The following EFCAB6 variants were observed in gnomAD, a reference collection of about 807,000 sequenced individuals.
EFCAB6 encodes EF-hand calcium-binding domain-containing protein 6.
In EFCAB6, 156 loss-of-function variants were observed where a neutral mutation model predicts 169.8. That is an observed-to-expected ratio of 0.92 (90% CI 0.81 to 1.05). EFCAB6 has a LOEUF of 1.05. Among genes scored for constraint, EFCAB6 ranks in the 50% least tolerant of loss-of-function variants. The pLI, the probability that EFCAB6 is intolerant of heterozygous loss-of-function variation, is 0.00. For missense variants in EFCAB6, 1,800 were observed against 1,829.1 expected (o/e 0.98, Z 0.29); for synonymous variants, 698 against 676.4 (o/e 1.03, Z -0.50).
chr22:43,586,823 G>C (rs541835030), intron 24 of EFCAB6, among the ~76,000 whole-genome samples: 1 of 152,282 alleles, frequency 6.6e-6, no homozygotes, highest in Admixed American at 6.5e-5. Flanking sequence ...CAGAAACTTT[G>C]GGGGAGGGAC....
Position 43,595,693 on chromosome 22 carries a change from A to G in EFCAB6, c.2876+4376T>C, listed in dbSNP as rs1245257988. On this transcript the variant is annotated intron_variant, in intron 23 of 31. Transcript: ENST00000262726. The stretch of plus-strand genomic sequence containing the variant: ...TTAGAGAAGAACTAATACCAACTCT[A>G]CCCAAACTTTTTCAAAAAAATTGAA... Among the ~76,000 whole-genome samples, 45 of 152,116 alleles carry G rather than the reference A, an allele frequency of 3.0e-4. 1 individual carries two copies. Among genetic ancestry groups the G allele is most frequent in the Non-Finnish European group, 2.5e-4 (17 of 67,978 alleles).
At position 43,554,844 on chromosome 22, in the gene EFCAB6, G is replaced by A. The variant is rs377744942; in HGVS notation, c.3648+25C>T. 8 of 1,603,810 alleles carry A rather than the reference G, an allele frequency of 5.0e-6. No homozygotes were observed. In the South Asian group the frequency reaches 8.8e-5, roughly 18 times the overall value. On this transcript the variant is annotated intron_variant, in intron 27 of 31. Transcript: ENST00000262726. ...TGACGCTCAGCCAACGGTGTGCAGG[G>A]TGAGGACTGACTGGCGTTTCTTACC... is the stretch of plus-strand genomic sequence containing the variant.
In EFCAB6 at chr22:43,652,505, G is replaced by A. The variant is rs73432086; in HGVS notation, c.1983+14599C>T. Reference sequence around the variant, plus strand: ...ACCCAGGCTCTGAGTTAGAGCTTTTGAAGTTTTATGCCCTAGGAGCAGGAG... The same window carrying A: ...ACCCAGGCTCTGAGTTAGAGCTTTTAAAGTTTTATGCCCTAGGAGCAGGAG... On this transcript the variant is annotated intron_variant, in intron 17 of 31. Transcript: ENST00000262726. Among the ~76,000 whole-genome samples, 776 of 152,164 alleles carry A rather than the reference G, an allele frequency of 5.1e-3. 8 individuals carry two copies. Among genetic ancestry groups the A allele is most frequent in the African/African-American group, 0.018 (753 of 41,506 alleles).
intron 3 of EFCAB6, among the ~76,000 whole-genome samples, chr22:43,780,486 C>CAAAAAAA (rs34634496): frequency 2.0e-5 from 1 of 49,026 alleles, no homozygotes; most frequent in African/African-American, 8.5e-5. Context: ...GACTCTGTCT[C>CAAAAAAA]AAAAAAAAAA....
At chr22:43,635,346 A>T in intron 17 of EFCAB6, 130 bp from the exon 18 acceptor site, 1 of 687,744 alleles carries the variant, frequency 1.5e-6, no homozygotes. Flanking sequence ...CCCCACCCAC[A>T]GGCTGCCAGG....
chr22:43,540,243 A>G lies in EFCAB6; in HGVS notation c.3763T>C (p.Ser1255Pro). The change falls in exon 28 of 32, where the codon TCG becomes CCG. Residue 1255 changes from serine (S) to proline (P), a missense_variant. By Grantham distance (74) the Ser-to-Pro change is moderately conservative. Coordinates refer to ENST00000262726, the MANE Select transcript of EFCAB6 (RefSeq NM_022785.4). ...CTGCTCCCTCTCTGGGCCACGGCCG[A>G]GTCACCAGTGGCCATTGGTGTGGCT... ...TAATPMATGDSAVAQRGSSVP... is the reference protein window; with the variant it reads ...TAATPMATGDPAVAQRGSSVP... 1 of 1,614,206 alleles carries G rather than the reference A, an allele frequency of 6.2e-7. No homozygotes were observed. Among genetic ancestry groups the G allele is most frequent in the East Asian group, 2.2e-5 (1 of 44,884 alleles).
At chr22:43,730,223 G>T in intron 8 of EFCAB6, among the ~76,000 whole-genome samples, 1 of 1,690 alleles carries the variant, frequency 5.9e-4, no homozygotes. Context: ...AGAGGAAAAG[G>T]AGGGCAGGAG....
In EFCAB6 at chr22:43,530,837, A is replaced by T; in HGVS notation, c.4361T>A (p.Leu1454Gln). ...CACCGTCCTGAAATCTGCGACGCTT[A>T]GCAGCCCTGTTCCAGCCTCATCATA... is the stretch of plus-strand genomic sequence containing the variant. The part of the protein sequence containing the change: ...KSYDEAGTGL[L>Q]SVADFRTVLR... The change falls in exon 31 of 32, where the codon CTA (leucine) becomes CAA (glutamine). Residue 1454 changes from leucine to glutamine, a missense_variant. Leu to Gln is a moderately radical substitution (Grantham distance 113). Transcript: ENST00000262726. 6.2e-7 allele frequency: 1 copy of T among 1,613,984 alleles called. No homozygotes were observed. Among genetic ancestry groups the T allele is most frequent in the South Asian group, 1.1e-5 (1 of 91,074 alleles).
chr22:43,689,346 C>T (rs1023020167), intron 10 of EFCAB6, among the ~76,000 whole-genome samples: 1 of 109,110 alleles, frequency 9.2e-6, no homozygotes, highest in Admixed American at 1.1e-4. Context: ...AGGGAGAGCA[C>T]GTGCACACAC....
At position 43,607,224 on chromosome 22, in the gene EFCAB6, G is replaced by A. The variant is rs536223455; in HGVS notation, c.2681+1258C>T. On this transcript the variant is annotated intron_variant, in intron 22 of 31. Transcript: ENST00000262726. Reference sequence around the variant, plus strand: ...CTGCCTCCCTGCAGACAGGTGGCCTGCTGAACAAGAATGTCTCCTTCTCCA... The same window carrying A: ...CTGCCTCCCTGCAGACAGGTGGCCTACTGAACAAGAATGTCTCCTTCTCCA... Among the ~76,000 whole-genome samples the A allele has an allele frequency of 9.9e-5, 15 of 152,262 alleles. 1 individual carries two copies. In the East Asian group the frequency reaches 2.9e-3, roughly 29 times the overall value.
intron 26 of EFCAB6, among the ~76,000 whole-genome samples, chr22:43,555,455 C>G (rs1459605516): frequency 6.6e-6 from 1 of 152,234 alleles, no homozygotes; most frequent in Non-Finnish European, 1.5e-5. Context: ...ACAGTGCGAG[C>G]CTTCCCTGAG....
At position 43,635,122 on chromosome 22, in the gene EFCAB6, T is replaced by C. The variant is rs140732200; in HGVS notation, c.2078A>G (p.Asp693Gly). The change falls in exon 18 of 32, where the codon GAT becomes GGT. Residue 693 changes from aspartate (D) to glycine (G), a missense_variant. Asp to Gly is a moderately conservative substitution (Grantham distance 94). Transcript: ENST00000262726. ...GFEKEGMSYL[D>G]FAAGFEDPPM... is the part of the protein sequence containing the mutation. ...GCTACCTTCAAATCCTGCTGCAAAA[T>C]CAAGATAGCTCATCCCTTCCTTCTC... 28 of 1,613,902 alleles carry C rather than the reference T, an allele frequency of 1.7e-5. No homozygotes were observed. Among genetic ancestry groups the C allele is most frequent in the Non-Finnish European group, 2.3e-5 (27 of 1,179,998 alleles).
At chr22:43,548,644 G>T (rs979520919) in intron 27 of EFCAB6, among the ~76,000 whole-genome samples, 1 of 146,330 alleles carries the variant, frequency 6.8e-6, no homozygotes, top group Non-Finnish European at 1.5e-5. Context: ...AACCTTGAAC[G>T]CACATACATA....
intron 9 of EFCAB6, among the ~76,000 whole-genome samples, chr22:43,714,187 T>G (rs2059253166): frequency 6.6e-6 from 1 of 152,024 alleles, no homozygotes; most frequent in South Asian, 2.1e-4. Context: ...AGATTTAAAT[T>G]AGTATTAAAG....
intron 2 of EFCAB6, chr22:43,802,403 G>C (rs2062755927): frequency 5.0e-6 from 1 of 201,952 alleles, no homozygotes; most frequent in Non-Finnish European, 1.0e-5. Flanking sequence ...GGTGGGGAGT[G>C]CCTGTAATCC....
At chr22:43,654,997 C>T (rs921949215) in intron 17 of EFCAB6, among the ~76,000 whole-genome samples, 13 of 152,198 alleles carry the variant, frequency 8.5e-5, no homozygotes, top group African/African-American at 3.1e-4. Flanking sequence ...GTGGCTCACA[C>T]CTATAATCTT....
chr22:43,797,348 A>T (rs2062547508), intron 2 of EFCAB6: 1 of 152,546 alleles, frequency 6.6e-6, no homozygotes, highest in African/African-American at 2.4e-5. Context: ...TGACTTTGGG[A>T]ATGCTGAAAA....
At chr22:43,762,650 C>T (rs929968273) in intron 5 of EFCAB6, among the ~76,000 whole-genome samples, 1 of 152,164 alleles carries the variant, frequency 6.6e-6, no homozygotes, top group Non-Finnish European at 1.5e-5. Context: ...TTCTGCTTCA[C>T]GAGTAAATCA....
At chr22:43,540,419 G>C (rs1224854793) in intron 27 of EFCAB6, 62 bp from the exon 28 acceptor site, 4 of 1,606,246 alleles carry the variant, frequency 2.5e-6, no homozygotes, top group African/African-American at 1.3e-5. Context: ...CGTCGCACCT[G>C]TGCCAGCGAG....
Sources: allele counts gnomAD v4.1 joint callset (sites outside exome capture counted in the v4.1 genomes callset), GRCh38; gene constraint gnomAD v4.1.1; transcripts MANE v1.5; gene names NCBI Gene and HGNC (gene_info 2026-07-23, HGNC 2026-07-21).